Variants in ZNF536 observed in about 807,000 individuals in gnomAD.
The protein encoded by ZNF536 is zinc finger protein 536.
Under a neutral mutation model 84.5 loss-of-function variants are expected in ZNF536, and 13 were observed. The ratio of observed to expected loss-of-function variants is 0.15; its 90% CI spans 0.10 to 0.24. The LOEUF is 0.24. Among genes scored for constraint, ZNF536 ranks in the 10% least tolerant of loss-of-function variants. The pLI, the probability that ZNF536 is intolerant of heterozygous loss-of-function variation, is 1.00. For missense variants in ZNF536, 1,536 were observed against 1,747.5 expected (o/e 0.88, Z 2.16); for synonymous variants, 811 against 742.5 (o/e 1.09, Z -1.50).
At chr19:30,540,655 T>A (rs2045294125) in intron 3 of ZNF536, among the ~76,000 whole-genome samples, 1 of 152,236 alleles carries the variant, frequency 6.6e-6, no homozygotes, top group Admixed American at 6.5e-5. Flanking sequence ...TTAAAGGTTA[T>A]AATCAGATCT....
intron 2 of ZNF536, among the ~76,000 whole-genome samples, chr19:30,510,805 T>C (rs2055379890): frequency 6.6e-6 from 1 of 152,216 alleles, no homozygotes; most frequent in African/African-American, 2.4e-5. Context: ...AGACATGTCC[T>C]GCCTTCCCTC....
At chr19:30,308,314 G>T (rs771369741) in intron 2 of ZNF536, among the ~76,000 whole-genome samples, 1 of 152,130 alleles carries the variant, frequency 6.6e-6, no homozygotes, top group African/African-American at 2.4e-5. Flanking sequence ...CATTATTTTA[G>T]GGGGACTTGG....
At chr19:30,595,497 A>G (rs2047432639) in intron 1 of ZNF536, among the ~76,000 whole-genome samples, 1 of 152,058 alleles carries the variant, frequency 6.6e-6, no homozygotes, top group Non-Finnish European at 1.5e-5. Context: ...TATGTTGCCC[A>G]GGCTGGTCTC....
intron 1 of ZNF536, among the ~76,000 whole-genome samples, chr19:30,431,789 A>G (rs1034986295): frequency 6.6e-6 from 1 of 152,136 alleles, no homozygotes; most frequent in African/African-American, 2.4e-5. Flanking sequence ...TTCCCAGGGC[A>G]GGGGCTGTGC....
chr19:30,673,562 G>A (rs911854688), intron 1 of ZNF536, among the ~76,000 whole-genome samples: 8 of 152,126 alleles, frequency 5.3e-5, no homozygotes, highest in African/African-American at 1.9e-4. Flanking sequence ...TGGCCACCCA[G>A]GCACATCTTA....
chr19:30,549,218 A>G lies in ZNF536; in HGVS notation c.3599A>G (p.Asp1200Gly). 6.2e-7 allele frequency: 1 copy of G among 1,614,100 alleles called. No homozygotes were observed. Among genetic ancestry groups the G allele is most frequent in the African/African-American group, 1.3e-5 (1 of 75,078 alleles). Residue 1200 changes from aspartate (D) to glycine (G), a missense_variant, in exon 4 of 5, where the codon GAC (aspartate) becomes GGC (glycine). This residue lies in a region of ZNF536 where 624 missense variants were observed against 603.1 expected (regional missense o/e 1.03). Coordinates refer to ENST00000355537, the MANE Select transcript of ZNF536 (RefSeq NM_014717.3). ...AAGCCACTGTCTGCCCTCAGCAAAGACAGCAGCAGCGATGGCGGGGACAGC... is the reference window on the plus strand; with the variant it reads ...AAGCCACTGTCTGCCCTCAGCAAAGGCAGCAGCAGCGATGGCGGGGACAGC... Reference protein sequence around the residue: ...MTKPLSALSKDSSSDGGDSLQ... With the variant: ...MTKPLSALSKGSSSDGGDSLQ...
intron 2 of ZNF536, among the ~76,000 whole-genome samples, chr19:30,347,904 C>G (rs920915957): frequency 3.3e-5 from 5 of 152,206 alleles, no homozygotes; most frequent in African/African-American, 1.2e-4. Context: ...AACCCCTAAA[C>G]AGCAAACAGG....
chr19:30,474,050 TGAAG>T (rs1485551225), intron 2 of ZNF536, among the ~76,000 whole-genome samples: 3 of 152,186 alleles, frequency 2.0e-5, no homozygotes, highest in Admixed American at 1.3e-4. Context: ...CCGACATGGA[TGAAG>T]GAAGTGAGAC....
intron 2 of ZNF536, among the ~76,000 whole-genome samples, chr19:30,310,238 C>T (rs994600126): frequency 2.6e-5 from 4 of 152,178 alleles, no homozygotes; most frequent in Non-Finnish European, 5.9e-5. Context: ...GTTGCTTCCC[C>T]GTTTCATTAT....
intron 3 of ZNF536, among the ~76,000 whole-genome samples, chr19:30,537,231 C>G (rs1451798139): frequency 6.6e-6 from 1 of 152,212 alleles, no homozygotes; most frequent in African/African-American, 2.4e-5. Flanking sequence ...CGAAGGCAGT[C>G]AGCCCAGACA....
intron 1 of ZNF536, among the ~76,000 whole-genome samples, chr19:30,623,757 C>T (rs1291849050): frequency 1.3e-5 from 2 of 152,220 alleles, no homozygotes; most frequent in Non-Finnish European, 2.9e-5. Flanking sequence ...TAGTTTGTCT[C>T]CAGGCCTTTT....
At chr19:30,563,122 C>T (rs1246819926) in intron 1 of ZNF536, among the ~76,000 whole-genome samples, 1 of 152,048 alleles carries the variant, frequency 6.6e-6, no homozygotes, top group African/African-American at 2.4e-5. Flanking sequence ...GGCAGAGCTT[C>T]GATGAAGACC....
chr19:30,668,036 G>A lies in ZNF536; in HGVS notation c.170-42721G>A, dbSNP rs550241220. Among the ~76,000 whole-genome samples the A allele has an allele frequency of 3.9e-5, 6 of 152,208 alleles. No homozygotes were observed. In the South Asian group the frequency reaches 1.0e-3, roughly 26 times the overall value. On this transcript the variant is annotated intron_variant, in intron 1 of 1. Coordinates refer to the ZNF536 transcript ENST00000592773. ...CCTTTCAAGGAATTCTATCGAAATGGCATGTAATTGGCTCTAAAATAACTG... is the reference window on the plus strand; with the variant it reads ...CCTTTCAAGGAATTCTATCGAAATGACATGTAATTGGCTCTAAAATAACTG...
intron 2 of ZNF536, among the ~76,000 whole-genome samples, chr19:30,529,267 G>A (rs534703445): frequency 2.0e-5 from 3 of 152,322 alleles, no homozygotes; most frequent in African/African-American, 7.2e-5. Context: ...ATAAGGTTAA[G>A]TGTGTGTTGA....
At chr19:30,263,432 G>A (rs963045951) in intron 1 of ZNF536, among the ~76,000 whole-genome samples, 1 of 152,004 alleles carries the variant, frequency 6.6e-6, no homozygotes, top group African/African-American at 2.4e-5. Flanking sequence ...CCATCCCCCC[G>A]ACCAGCTCCT....
chr19:30,608,516 A>C (rs2147010455), intron 1 of ZNF536, among the ~76,000 whole-genome samples: 1 of 152,238 alleles, frequency 6.6e-6, no homozygotes, highest in Middle Eastern at 3.4e-3. Flanking sequence ...TCCTACCTGA[A>C]GGTTTTATGA....
intron 2 of ZNF536, among the ~76,000 whole-genome samples, chr19:30,510,728 A>G (rs1403881089): frequency 6.6e-6 from 1 of 152,202 alleles, no homozygotes; most frequent in African/African-American, 2.4e-5. Flanking sequence ...GCCCAGATGC[A>G]TCCTCACCTC....
chr19:30,629,397 T>C (rs1444323378), intron 1 of ZNF536, among the ~76,000 whole-genome samples: 1 of 152,066 alleles, frequency 6.6e-6, no homozygotes, highest in Non-Finnish European at 1.5e-5. Flanking sequence ...GGTTTTGCCA[T>C]GTTGCCCAAG....
chr19:30,487,477 AC>A (rs2054345114), intron 2 of ZNF536, among the ~76,000 whole-genome samples: 1 of 152,140 alleles, frequency 6.6e-6, no homozygotes, highest in African/African-American at 2.4e-5. Context: ...CAAAATAATT[AC>A]TGCAGGGGCT....
Sources: allele counts gnomAD v4.1 joint callset (sites outside exome capture counted in the v4.1 genomes callset), GRCh38; gene constraint gnomAD v4.1.1; regional missense constraint gnomAD v4.1.1; transcripts MANE v1.5; gene names NCBI Gene and HGNC (gene_info 2026-07-23, HGNC 2026-07-21).